SETBP1: variants seen among roughly 807,000 people sequenced by gnomAD.
SETBP1 encodes SET-binding protein.
SETBP1 carries 9 observed loss-of-function variants against 101.0 expected under a neutral mutation model. That is an observed-to-expected ratio of 0.09 (90% CI 0.05 to 0.16). The LOEUF is 0.16. SETBP1 is among the 10% of genes least tolerant of loss of function. SETBP1 has a pLI of 1.00. For synonymous variants in SETBP1, 818 were observed against 788.5 expected (o/e 1.04, Z -0.63); for missense variants, 1,858 against 2,033.8 (o/e 0.91, Z 1.66).
intron 3 of SETBP1, among the ~76,000 whole-genome samples, chr18:44,879,639 G>A (rs549368803): frequency 6.6e-5 from 10 of 152,240 alleles, no homozygotes; most frequent in African/African-American, 2.4e-4. Context: ...ACAAAACCTA[G>A]ATTCACCTAA....
chr18:44,772,300 G>A (rs182520199), intron 2 of SETBP1, among the ~76,000 whole-genome samples: 228 of 152,274 alleles, frequency 1.5e-3, no homozygotes, highest in Non-Finnish European at 2.7e-3. Context: ...TTTCACATGT[G>A]GGGAGTGTGT....
intron 2 of SETBP1, among the ~76,000 whole-genome samples, chr18:44,773,795 T>C (rs943807549): frequency 7.1e-5 from 9 of 127,078 alleles, no homozygotes; most frequent in Non-Finnish European, 6.9e-5. Context: ...TCAACCAGCC[T>C]CTCTCTCTCT....
chr18:44,789,017 G>T (rs575368543), intron 2 of SETBP1, among the ~76,000 whole-genome samples: 84 of 151,966 alleles, frequency 5.5e-4, no homozygotes, highest in African/African-American at 2.0e-3. Context: ...TGTCCAGGGT[G>T]GTCTTGAATC....
At chr18:44,731,163 G>A (rs1441782902) in intron 2 of SETBP1, among the ~76,000 whole-genome samples, 1 of 152,176 alleles carries the variant, frequency 6.6e-6, no homozygotes, top group East Asian at 1.9e-4. Context: ...AGGTCTCGGG[G>A]TAGTTGGACT....
chr18:44,895,389 T>C (rs1026155233), intron 3 of SETBP1, among the ~76,000 whole-genome samples: 4 of 152,010 alleles, frequency 2.6e-5, no homozygotes, highest in South Asian at 2.1e-4. Flanking sequence ...TTATTGAGAA[T>C]TGGGAAAATC....
At chr18:44,685,303 C>T (rs376761389) in intron 1 of SETBP1, among the ~76,000 whole-genome samples, 2 of 152,188 alleles carry the variant, frequency 1.3e-5, no homozygotes, top group Non-Finnish European at 2.9e-5. Context: ...CAAAAATACC[C>T]CCTTTCATAT....
intron 1 of SETBP1, among the ~76,000 whole-genome samples, chr18:44,697,939 G>A (rs74481901): frequency 6.6e-6 from 1 of 152,206 alleles, no homozygotes; most frequent in Non-Finnish European, 1.5e-5. Flanking sequence ...GCAAGGATGA[G>A]AGGAAGTGGA....
chr18:44,687,025 A>G (rs1159443281), intron 1 of SETBP1, among the ~76,000 whole-genome samples: 4 of 152,304 alleles, frequency 2.6e-5, no homozygotes, highest in South Asian at 4.1e-4. Context: ...GCACTTAACC[A>G]TACAGTCATC....
chr18:44,750,480 A>G (rs2070357654), intron 2 of SETBP1, among the ~76,000 whole-genome samples: 1 of 152,210 alleles, frequency 6.6e-6, no homozygotes, highest in Non-Finnish European at 1.5e-5. Context: ...TTAGGGTGTT[A>G]ACATGAATTT....
At chr18:44,840,734 A>G (rs527673274) in intron 2 of SETBP1, among the ~76,000 whole-genome samples, 1 of 152,306 alleles carries the variant, frequency 6.6e-6, no homozygotes, top group Non-Finnish European at 1.5e-5. Context: ...TGTAAGAAGT[A>G]TTTTAGAACA....
chr18:44,895,066 A>G (rs12608142), intron 3 of SETBP1, among the ~76,000 whole-genome samples: 78,797 of 146,004 alleles, frequency 0.54, 21,343 homozygotes, highest in Non-Finnish European at 0.55. Flanking sequence ...GTGAGGTATG[A>G]TCATGCCACT....
At chr18:44,734,966 G>C (rs1253612628) in intron 2 of SETBP1, among the ~76,000 whole-genome samples, 1 of 152,188 alleles carries the variant, frequency 6.6e-6, no homozygotes, top group African/African-American at 2.4e-5. Context: ...ATCGAAGTGT[G>C]TTATGTTCCA....
intron 2 of SETBP1, among the ~76,000 whole-genome samples, chr18:44,854,668 A>C (rs1407584060): frequency 6.6e-6 from 1 of 152,232 alleles, no homozygotes; most frequent in African/African-American, 2.4e-5. Flanking sequence ...CTCCTGTCTT[A>C]ACCTCTCATG....
intron 2 of SETBP1, 119 bp from the exon 3 acceptor site, chr18:44,869,111 G>A (rs554875867): frequency 7.8e-6 from 7 of 895,528 alleles, no homozygotes; most frequent in East Asian, 7.6e-5. Flanking sequence ...TGCCTTCTGC[G>A]ATCCCACTTC....
At chr18:45,015,342 C>G (rs2072920012) in intron 4 of SETBP1, among the ~76,000 whole-genome samples, 1 of 152,244 alleles carries the variant, frequency 6.6e-6, no homozygotes, top group Non-Finnish European at 1.5e-5. Context: ...AACCTGCCCC[C>G]TCTGCCAGAT....
chr18:44,929,960 T>G (rs1006707110), intron 3 of SETBP1, among the ~76,000 whole-genome samples: 96 of 152,336 alleles, frequency 6.3e-4, no homozygotes, highest in African/African-American at 2.2e-3. Context: ...TGGCCAGAAC[T>G]TCCAACACTG....
At chr18:44,750,840 G>T (rs2070365932) in intron 2 of SETBP1, among the ~76,000 whole-genome samples, 1 of 152,224 alleles carries the variant, frequency 6.6e-6, no homozygotes, top group Admixed American at 6.5e-5. Context: ...TAGCTAAGAT[G>T]CAAAGTGTGT....
chr18:44,753,414 T>C (rs1433797594), intron 2 of SETBP1, among the ~76,000 whole-genome samples: 2 of 152,250 alleles, frequency 1.3e-5, no homozygotes, highest in Admixed American at 6.5e-5. Context: ...GCATAGGAAC[T>C]ACAGACATAG....
At chr18:45,041,679 A>T (rs1347148226) in intron 5 of SETBP1, among the ~76,000 whole-genome samples, 2 of 152,196 alleles carry the variant, frequency 1.3e-5, no homozygotes, top group Non-Finnish European at 2.9e-5. Flanking sequence ...TAATGGATGC[A>T]GGCCAGGCAT....
Sources: allele counts gnomAD v4.1 joint callset (sites outside exome capture counted in the v4.1 genomes callset), GRCh38; gene constraint gnomAD v4.1.1; transcripts MANE v1.5; gene names NCBI Gene and HGNC (gene_info 2026-07-23, HGNC 2026-07-21).